The following HDLBP variants were observed in gnomAD, a reference collection of about 807,000 sequenced individuals.
The protein encoded by HDLBP is high density lipoprotein binding protein.
In HDLBP, 30 loss-of-function variants were observed where a neutral mutation model predicts 137.3. The observed-to-expected ratio is 0.22, with a 90% CI of 0.16 to 0.30. HDLBP has a LOEUF of 0.30. Ranked by LOEUF, HDLBP falls within the 10% of genes least tolerant of loss-of-function variation. The probability of loss-of-function intolerance (pLI) is 1.00; values close to 1 mark genes in which losing one functional copy is unlikely to be tolerated. For missense variants in HDLBP, 1,119 were observed against 1,667.3 expected, an observed-to-expected ratio of 0.67 and a Z score of 5.73; for synonymous variants, 606 against 596.0, an observed-to-expected ratio of 1.02 and a Z score of -0.24.
At chr2:241,256,091 T>A in intron 7 of HDLBP, 93 bp downstream of exon 7, 3 of 1,053,946 alleles carry the variant, frequency 2.8e-6, no homozygotes, top group Non-Finnish European at 4.3e-6. Context: ...GACAAAAAGA[T>A]AAGGGGCAGA....
chr2:241,252,941 A>G lies in HDLBP; in HGVS notation c.1372+16T>C. ...CAGGGCACACTGGCCCCACCGCAACAGACAGCCTCACTCACTGTTGGCACC... is the reference window on the plus strand; with the variant it reads ...CAGGGCACACTGGCCCCACCGCAACGGACAGCCTCACTCACTGTTGGCACC... On this transcript the variant is annotated intron_variant, in intron 11 of 27. Transcript: ENST00000310931. 3 of 1,588,614 alleles carry G rather than the reference A, an allele frequency of 1.9e-6. No individual in the cohort carries two copies. Among genetic ancestry groups the G allele is most frequent in the Non-Finnish European group, 2.6e-6 (3 of 1,158,058 alleles).
At chr2:241,297,741 A>G (rs2075234149) in intron 1 of HDLBP, among the ~76,000 whole-genome samples, 1 of 152,050 alleles carries the variant, frequency 6.6e-6, no homozygotes, top group Non-Finnish European at 1.5e-5. Flanking sequence ...AAAGAAAGAG[A>G]AGAGAAGAGA....
At chr2:241,309,881 G>A (rs1235630338) in intron 1 of HDLBP, among the ~76,000 whole-genome samples, 1 of 152,296 alleles carries the variant, frequency 6.6e-6, no homozygotes, top group South Asian at 2.1e-4. Flanking sequence ...TATTTCTCTG[G>A]GGAATCTGAA....
rs780583839 is a variant in HDLBP at position 241,247,135 on chromosome 2, T to C, written c.1739A>G (p.Asn580Ser). 2 of 1,608,310 alleles carry C rather than the reference T, an allele frequency of 1.2e-6. No homozygotes were observed. Among genetic ancestry groups the C allele is most frequent in the Non-Finnish European group, 1.7e-6 (2 of 1,174,722 alleles). ...GATCGGAACAGAAATTGAATAGCTA[T>C]TTTCCACCTTAAAGACAAAAAACAC... ...MQKMVADLVE[N>S]SYSISVPIFK... Residue 580 changes from asparagine (N) to serine (S), a missense_variant, in exon 15 of 28, where the codon AAT becomes AGT. Transcript: ENST00000310931.
intron 1 of HDLBP, among the ~76,000 whole-genome samples, chr2:241,281,131 G>C (rs1466417876): frequency 5.3e-5 from 8 of 152,168 alleles, no homozygotes; most frequent in Admixed American, 5.2e-4. Context: ...CGAGGTGGGC[G>C]GATCACTTGA....
At chr2:241,305,523 C>T (rs942922423) in intron 1 of HDLBP, among the ~76,000 whole-genome samples, 14 of 152,174 alleles carry the variant, frequency 9.2e-5, no homozygotes, top group Admixed American at 7.2e-4. Flanking sequence ...TCAACCTCAG[C>T]GCTGCTGACA....
chr2:241,227,986 A>C lies in HDLBP; in HGVS notation c.*1615T>G, dbSNP rs1459248012. 4.6e-5 allele frequency: 7 copies of C among 152,254 alleles called. No individual in the cohort carries two copies. Among genetic ancestry groups the C allele is most frequent in the Non-Finnish European group, 8.8e-5 (6 of 68,048 alleles). 9.4% of individuals were successfully genotyped at this position (152,254 alleles called of 1,614,324 possible). A position where few individuals can be genotyped will look rare whatever the true frequency, so the allele number is the denominator to read the frequency against. On this transcript the variant is annotated 3_prime_UTR_variant, in exon 28 of 28. Coordinates refer to ENST00000310931, the MANE Select transcript of HDLBP (RefSeq NM_005336.6). Reference sequence around the variant, plus strand: ...ATTTACCATTCCTGTAAACAGGCCCATTCAGGGCTGCCTGAGCAAATGGGG... The same window carrying C: ...ATTTACCATTCCTGTAAACAGGCCCCTTCAGGGCTGCCTGAGCAAATGGGG...
chr2:241,314,656 C>A (rs2075939337), intron 1 of HDLBP, among the ~76,000 whole-genome samples: 2 of 152,158 alleles, frequency 1.3e-5, no homozygotes, highest in African/African-American at 4.8e-5. Context: ...ACATGGCGTC[C>A]AAACACCATG....
chr2:241,298,975 T>C (rs2075289428), intron 1 of HDLBP, among the ~76,000 whole-genome samples: 2 of 152,350 alleles, frequency 1.3e-5, no homozygotes, highest in South Asian at 4.1e-4. Context: ...GAGAATGCGC[T>C]GCCTGATCAG....
At chr2:241,248,439 C>A in intron 12 of HDLBP, 91 bp from the exon 13 acceptor site, 1 of 1,050,238 alleles carries the variant, frequency 9.5e-7, no homozygotes, top group Non-Finnish European at 1.5e-6. Context: ...GCCCTGGGCA[C>A]AGTCCTTCAT....
chr2:241,231,115 T>C (rs1257700595), intron 24 of HDLBP, 171 bp from the exon 25 acceptor site: 16 of 612,746 alleles, frequency 2.6e-5, no homozygotes, highest in Non-Finnish European at 4.3e-5. Context: ...CCGGGCACGG[T>C]GGCTCACGCC....
intron 1 of HDLBP, among the ~76,000 whole-genome samples, chr2:241,283,381 A>G (rs905910421): frequency 3.3e-5 from 5 of 152,206 alleles, no homozygotes; most frequent in African/African-American, 1.2e-4. Context: ...GTCACTGATG[A>G]AAGTAGCTGC....
intron 5 of HDLBP, among the ~76,000 whole-genome samples, chr2:241,261,223 G>A (rs1367981115): frequency 1.3e-5 from 2 of 150,902 alleles, no homozygotes; most frequent in African/African-American, 4.9e-5. Context: ...GGGGGTAGGA[G>A]GGAGTAAGCA....
intron 3 of HDLBP, 76 bp downstream of exon 3, chr2:241,266,718 C>T (rs955442505): frequency 1.0e-6 from 1 of 973,392 alleles, no homozygotes; most frequent in Non-Finnish European, 1.7e-6. Context: ...CTAGAAAGGG[C>T]ATGGGATTTG....
At chr2:241,294,626 AT>A (rs2075115815) in intron 1 of HDLBP, among the ~76,000 whole-genome samples, 1 of 151,894 alleles carries the variant, frequency 6.6e-6, no homozygotes, top group African/African-American at 2.4e-5. Context: ...TGCCCAACTA[AT>A]TTTTTCTCCA....
In HDLBP at chr2:241,285,052, C is replaced by T. The variant is rs530106656; in HGVS notation, c.-102-16511G>A. ...TGCTCCGCCACACCCAGCTAATTTT[C>T]GTACTTTTAGTAGAGGCGGGGTTTC... On this transcript the variant is annotated intron_variant, in intron 1 of 27. Transcript: ENST00000310931. Among the ~76,000 whole-genome samples, 21 of 152,270 alleles carry T rather than the reference C, an allele frequency of 1.4e-4. No homozygotes were observed. The East Asian group carries it at 2.3e-3, about 17-fold the overall frequency.
rs1452074832 is a variant in HDLBP, at chr2:241,253,447, A to G, written c.1239T>C (p.Pro413=). The stretch of plus-strand genomic sequence containing the variant: ...CCTGGGCCACATTGACATCCTCTGT[A>G]GGGCCCTCCAGGGTGATCTTGTCTT... ...EGEDKITLEG[P]TEDVNVAQEQ... is the part of the protein sequence containing the mutation. Residue 413 remains proline, a synonymous_variant, in exon 10 of 28, where the codon CCT becomes CCC. Coordinates refer to ENST00000310931, the MANE Select transcript of HDLBP (RefSeq NM_005336.6). 6.2e-7 allele frequency: 1 copy of G among 1,613,734 alleles called. No individual in the cohort carries two copies. Among genetic ancestry groups the G allele is most frequent in the Admixed American group, 1.7e-5 (1 of 60,020 alleles).
rs758379942 is a variant in HDLBP, at chr2:241,262,700, A to C, written c.450+11T>G. ...CAGTCACTGGGGAGAAGTAGGCCTCAGGCTACCCACCTGAGTCTGCAGTCT... is the reference window on the plus strand; with the variant it reads ...CAGTCACTGGGGAGAAGTAGGCCTCCGGCTACCCACCTGAGTCTGCAGTCT... On this transcript the variant is annotated intron_variant, in intron 5 of 27. Transcript: ENST00000310931. 3.1e-6 allele frequency: 5 copies of C among 1,607,072 alleles called. No homozygotes were observed. The highest frequency in any genetic ancestry group is 3.4e-6 in the Non-Finnish European group (4 of 1,174,526).
chr2:241,304,096 T>G (rs148889801), intron 1 of HDLBP, among the ~76,000 whole-genome samples: 1 of 152,298 alleles, frequency 6.6e-6, no homozygotes, highest in Non-Finnish European at 1.5e-5. Flanking sequence ...ACAAAGTGCA[T>G]GTGTATGTAT....
Sources: allele counts gnomAD v4.1 joint callset (sites outside exome capture counted in the v4.1 genomes callset), GRCh38; gene constraint gnomAD v4.1.1; transcripts MANE v1.5; gene names NCBI Gene and HGNC (gene_info 2026-07-23, HGNC 2026-07-21).